OTUD4: variants seen among roughly 807,000 people sequenced by gnomAD.
OTUD4 encodes the protein OTU deubiquitinase 4.
Under a neutral mutation model 130.4 loss-of-function variants are expected in OTUD4, and 24 were observed. The ratio of observed to expected loss-of-function variants is 0.18; its 90% CI spans 0.13 to 0.26. OTUD4 has a LOEUF of 0.26. OTUD4 is among the 10% of genes least tolerant of loss of function. The pLI is 1.00. For synonymous variants in OTUD4, 420 were observed against 472.5 expected (o/e 0.89, Z 1.44); for missense variants, 1,031 against 1,329.4 (o/e 0.78, Z 3.49).
intron 6 of OTUD4, among the ~76,000 whole-genome samples, chr4:145,162,015 C>T (rs1328506872): frequency 6.6e-6 from 1 of 152,172 alleles, no homozygotes; most frequent in Non-Finnish European, 1.5e-5. Context: ...CTCTGCTGCC[C>T]AAGCTGGAGT....
At chr4:145,151,696 T>C (rs762656295) in intron 11 of OTUD4, among the ~76,000 whole-genome samples, 1 of 152,208 alleles carries the variant, frequency 6.6e-6, no homozygotes, top group African/African-American at 2.4e-5. Context: ...TTGAGTTATA[T>C]TGGGATTCAA....
chr4:145,162,592 A>C (rs776881432), intron 6 of OTUD4, 48 bp downstream of exon 6: 2 of 958,912 alleles, frequency 2.1e-6, no homozygotes, highest in Non-Finnish European at 3.2e-6. Flanking sequence ...AAAAGACTGT[A>C]TAAGTTTAGG....
intron 1 of OTUD4, among the ~76,000 whole-genome samples, chr4:145,176,042 C>CTTT (rs70956828): frequency 6.9e-6 from 1 of 143,952 alleles, no homozygotes; most frequent in Non-Finnish European, 1.5e-5. Context: ...TTCTTTCTTT[C>CTTT]TTTTTTTTTT....
At position 145,133,975 on chromosome 4, in the gene OTUD4, T is replaced by A. The variant is rs1207578892; in HGVS notation, c.*3455A>T. The stretch of plus-strand genomic sequence containing the variant: ...AGTGTAAGGCTATTATCGTTTTTCA[T>A]ACATAAAATTTTCTAGCTCTGTAAC... On this transcript the variant is annotated 3_prime_UTR_variant, in exon 21 of 21. Coordinates refer to ENST00000447906, the MANE Select transcript of OTUD4 (RefSeq NM_001366057.1). The A allele has an allele frequency of 2.6e-5, 4 of 152,658 alleles. No individual in the cohort carries two copies. Among genetic ancestry groups the A allele is most frequent in the Non-Finnish European group, 5.9e-5 (4 of 68,040 alleles). The allele number at this position is 152,658 out of a possible 1,614,324, so 9.5% of individuals were successfully genotyped here. A position where few individuals can be genotyped will look rare whatever the true frequency, so the allele number is the denominator to read the frequency against.
At chr4:145,171,620 C>T (rs1752172472) in intron 3 of OTUD4, 50 bp downstream of exon 3, 1 of 798,170 alleles carries the variant, frequency 1.3e-6, no homozygotes, top group Admixed American at 2.1e-5. Context: ...ATTTTAAATA[C>T]ATTATTTGGA....
At position 145,136,000 on chromosome 4, in the gene OTUD4, G is replaced by A. The variant is rs1300314654; in HGVS notation, c.*1430C>T. The stretch of plus-strand genomic sequence containing the variant: ...ACAAAAAAAGAAAGTCACCGCATCT[G>A]GTTTTGGCTAGGTATATTACACATG... On this transcript the variant is annotated 3_prime_UTR_variant, in exon 21 of 21. Coordinates refer to ENST00000447906, the MANE Select transcript of OTUD4 (RefSeq NM_001366057.1). 6.6e-6 allele frequency: 1 copy of A among 152,600 alleles called. No individual in the cohort carries two copies. Among genetic ancestry groups the A allele is most frequent in the Non-Finnish European group, 1.5e-5 (1 of 68,034 alleles). 9.5% of individuals were successfully genotyped at this position (152,600 alleles called of 1,614,324 possible).
At chr4:145,179,572 T>C in intron 1 of OTUD4, 1 of 1,340,810 alleles carries the variant, frequency 7.5e-7, no homozygotes, top group Non-Finnish European at 9.5e-7. Context: ...TGTCCTCAAC[T>C]CATTACCTCT....
At chr4:145,151,666 T>C (rs1427499530) in intron 11 of OTUD4, among the ~76,000 whole-genome samples, 1 of 152,094 alleles carries the variant, frequency 6.6e-6, no homozygotes, top group African/African-American at 2.4e-5. Flanking sequence ...CCAAACGCTG[T>C]TAGTTGCTAA....
intron 19 of OTUD4, among the ~76,000 whole-genome samples, chr4:145,140,380 C>T (rs1457227344): frequency 6.6e-6 from 1 of 152,156 alleles, no homozygotes; most frequent in African/African-American, 2.4e-5. Flanking sequence ...TTATTAGTAG[C>T]ATCATTTGCA....
chr4:145,147,334 C>G (rs1750873401), intron 13 of OTUD4, among the ~76,000 whole-genome samples: 2 of 152,002 alleles, frequency 1.3e-5, no homozygotes, highest in South Asian at 4.1e-4. Context: ...TACAATAGGA[C>G]AGATGTCAGC....
chr4:145,149,852 T>C (rs1487509783), intron 13 of OTUD4, among the ~76,000 whole-genome samples: 2 of 152,224 alleles, frequency 1.3e-5, no homozygotes, highest in Non-Finnish European at 2.9e-5. Context: ...ACGGTCATAT[T>C]TGCACGATGA....
intron 1 of OTUD4, 31 bp from the exon 2 acceptor site, chr4:145,174,775 A>T: frequency 7.7e-7 from 1 of 1,291,774 alleles, no homozygotes; most frequent in Non-Finnish European, 1.1e-6. Flanking sequence ...ACACACTATT[A>T]AGCATTTAGT....
intron 6 of OTUD4, among the ~76,000 whole-genome samples, chr4:145,161,676 C>T (rs1346165273): frequency 6.6e-6 from 1 of 152,094 alleles, no homozygotes; most frequent in African/African-American, 2.4e-5. Context: ...TTACTGCCAT[C>T]CACTAGGTAG....
In OTUD4 at chr4:145,136,801, A is replaced by G. The variant is rs1750295110; in HGVS notation, c.*629T>C. 1 of 152,634 alleles carries G rather than the reference A, an allele frequency of 6.6e-6. No homozygotes were observed. The highest frequency in any genetic ancestry group is 6.5e-5 in the Admixed American group (1 of 15,276). The allele number at this position is 152,634 out of a possible 1,614,324, so 9.5% of individuals were successfully genotyped here. ...TAAAAGAACTATATACAACATTGCTAAGACACAGTTAATAGGCTGCCTTAT... is the reference window on the plus strand; with the variant it reads ...TAAAAGAACTATATACAACATTGCTGAGACACAGTTAATAGGCTGCCTTAT... On this transcript the variant is annotated 3_prime_UTR_variant, in exon 21 of 21. Coordinates refer to ENST00000447906, the MANE Select transcript of OTUD4 (RefSeq NM_001366057.1).
intron 2 of OTUD4, among the ~76,000 whole-genome samples, chr4:145,172,372 A>G (rs1045793674): frequency 4.6e-5 from 7 of 152,264 alleles, no homozygotes; most frequent in African/African-American, 7.2e-5. Context: ...CTCAAGTGAT[A>G]CTAGAAAGAG....
intron 1 of OTUD4, 81 bp from the exon 2 acceptor site, chr4:145,174,825 A>G: frequency 1.3e-6 from 1 of 747,794 alleles, no homozygotes; most frequent in South Asian, 1.5e-5. Flanking sequence ...CACCCAAAAT[A>G]ATCTGACAAC....
At chr4:145,146,244 T>C (rs771728644) in intron 14 of OTUD4, 23 bp downstream of exon 14, 1 of 1,461,786 alleles carries the variant, frequency 6.8e-7, no homozygotes, top group South Asian at 1.6e-5. Flanking sequence ...ATAATGACTT[T>C]TAAACTGTCT....
Position 145,136,463 on chromosome 4 carries a change from C to CGGGGGGGGGGGGG in OTUD4, c.*954_*966dup, listed in dbSNP as rs769298389. The CGGGGGGGGGGGGG allele has an allele frequency of 4.7e-4, 2 of 4,288 alleles. 1 individual carries two copies. The allele number at this position is 4,288 out of a possible 1,614,324, so 0.3% of individuals were successfully genotyped here. The stretch of plus-strand genomic sequence containing the variant: ...TGAAAGTGATACACAACCAATGGTG[C>CGGGGGGGGGGGGG]GGGGGGGGGGGGGAGGAAGAAAACA... On this transcript the variant is annotated 3_prime_UTR_variant, in exon 21 of 21. Coordinates refer to ENST00000447906, the MANE Select transcript of OTUD4 (RefSeq NM_001366057.1).
chr4:145,179,750 C>A, intron 1 of OTUD4, 65 bp downstream of exon 1: 2 of 1,462,650 alleles, frequency 1.4e-6, no homozygotes, highest in Non-Finnish European at 1.8e-6. Context: ...CAGCTGCCTC[C>A]CCACCCAGAC....
Sources: allele counts gnomAD v4.1 joint callset (sites outside exome capture counted in the v4.1 genomes callset), GRCh38; gene constraint gnomAD v4.1.1; transcripts MANE v1.5; gene names NCBI Gene and HGNC (gene_info 2026-07-23, HGNC 2026-07-21).